KDM2A: variants seen among roughly 807,000 people sequenced by gnomAD.
KDM2A encodes the protein lysine demethylase 2A.
In KDM2A, 3 loss-of-function variants were observed where a neutral mutation model predicts 137.3. That is an observed-to-expected ratio of 0.02 (90% CI 0.01 to 0.06). KDM2A has a LOEUF of 0.06. Ranked by LOEUF, KDM2A falls within the 10% of genes least tolerant of loss-of-function variation. The pLI is 1.00. For synonymous variants in KDM2A, 512 were observed against 541.5 expected, an observed-to-expected ratio of 0.95 and a Z score of 0.76; for missense variants, 738 against 1,510.6, an observed-to-expected ratio of 0.49 and a Z score of 8.48.
At chr11:67,200,126 T>C (rs660960) in intron 5 of KDM2A, among the ~76,000 whole-genome samples, 1 of 151,738 alleles carries the variant, frequency 6.6e-6, no homozygotes, top group African/African-American at 2.4e-5. Flanking sequence ...GAAAAAAGGT[T>C]CCTTTCAAAA....
In KDM2A at chr11:67,257,936, CGT is replaced by C. The variant is rs1231071950; in HGVS notation, c.*2883_*2884del. 2 of 151,794 alleles carry C rather than the reference CGT, an allele frequency of 1.3e-5. No homozygotes were observed. The highest frequency in any genetic ancestry group is 2.9e-5 in the Non-Finnish European group (2 of 67,996). The allele number at this position is 151,794 out of a possible 1,614,324, so 9.4% of individuals were successfully genotyped here. On this transcript the variant is annotated 3_prime_UTR_variant, in exon 21 of 21. Transcript: ENST00000529006. ...GAGCAAGGACATCTTTCCTCTGACA[CGT>C]GGGAATGGGTGATATTTGTGTAATA... is the stretch of plus-strand genomic sequence containing the variant.
Position 67,216,283 on chromosome 11 carries a change from G to A in KDM2A, c.687+334G>A, listed in dbSNP as rs186133195. 2.6e-5 allele frequency among the ~76,000 whole-genome samples: 4 copies of A among 152,314 alleles called. No homozygotes were observed. In the East Asian group the frequency reaches 7.7e-4, roughly 29 times the overall value. ...TCTGTACTTGGAAGTATAATAAATA[G>A]TGGAAGGGAACACGAATTTTGGATA... On this transcript the variant is annotated intron_variant, in intron 8 of 20. Transcript: ENST00000529006.
chr11:67,158,742 C>T (rs2012454288), intron 2 of KDM2A, among the ~76,000 whole-genome samples: 1 of 152,142 alleles, frequency 6.6e-6, no homozygotes, highest in Non-Finnish European at 1.5e-5. Flanking sequence ...TTCTACCTTA[C>T]ATGCCCAAAG....
chr11:67,124,732 A>G (rs568773216), intron 2 of KDM2A, among the ~76,000 whole-genome samples: 1 of 149,296 alleles, frequency 6.7e-6, no homozygotes, highest in East Asian at 2.0e-4. Flanking sequence ...TTTAAGTTGT[A>G]AGGTGATTGG....
intron 12 of KDM2A, among the ~76,000 whole-genome samples, chr11:67,238,487 C>A (rs1329439992): frequency 1.3e-5 from 2 of 152,132 alleles, no homozygotes; most frequent in African/African-American, 2.4e-5. Context: ...TGCAGTGGGT[C>A]TTGAGTCTTA....
At position 67,181,803 on chromosome 11, in the gene KDM2A, C is replaced by T. The variant is rs146139491; in HGVS notation, c.261-43C>T. On this transcript the variant is annotated intron_variant, in intron 4 of 20. Coordinates refer to ENST00000529006, the MANE Select transcript of KDM2A (RefSeq NM_012308.3). Reference sequence around the variant, plus strand: ...GAAAAAAAACTCACATTTACTAGAGCAATTGTGTTTTCCATATATACTTAC... The same window carrying T: ...GAAAAAAAACTCACATTTACTAGAGTAATTGTGTTTTCCATATATACTTAC... The T allele has an allele frequency of 4.2e-3, 6,505 of 1,546,874 alleles. 22 individuals are homozygous for T. Among genetic ancestry groups the T allele is most frequent in the Non-Finnish European group, 4.5e-3 (4,986 of 1,119,096 alleles).
intron 2 of KDM2A, among the ~76,000 whole-genome samples, chr11:67,171,198 A>G (rs1856875384): frequency 6.6e-6 from 1 of 152,174 alleles, no homozygotes; most frequent in Non-Finnish European, 1.5e-5. Flanking sequence ...TTTGTGATAC[A>G]TAGAAGTTGA....
chr11:67,142,683 G>A (rs1856140026), intron 2 of KDM2A, among the ~76,000 whole-genome samples: 1 of 151,218 alleles, frequency 6.6e-6, no homozygotes, highest in Non-Finnish European at 1.5e-5. Flanking sequence ...CAGACTGGGG[G>A]ACAAGCGTGA....
At chr11:67,240,031 C>A (rs1295743170) in intron 12 of KDM2A, 3 of 1,302,580 alleles carry the variant, frequency 2.3e-6, no homozygotes, top group Non-Finnish European at 2.0e-6. Context: ...CTCGGCTCCC[C>A]CTCCTGCCAT....
At chr11:67,214,739 T>G (rs563536016) in intron 6 of KDM2A, among the ~76,000 whole-genome samples, 2 of 152,112 alleles carry the variant, frequency 1.3e-5, no homozygotes, top group Non-Finnish European at 2.9e-5. Flanking sequence ...TCCAAAGCTC[T>G]GGGATTGCAG....
At chr11:67,217,050 T>C (rs191287037) in intron 8 of KDM2A, among the ~76,000 whole-genome samples, 6 of 151,890 alleles carry the variant, frequency 4.0e-5, no homozygotes, top group African/African-American at 1.4e-4. Context: ...GAGAACATCT[T>C]GGCCAACATG....
At chr11:67,172,965 A>G (rs573622813) in intron 2 of KDM2A, among the ~76,000 whole-genome samples, 1 of 152,240 alleles carries the variant, frequency 6.6e-6, no homozygotes, top group South Asian at 2.1e-4. Context: ...GAATATTTAT[A>G]GACATAATGT....
Position 67,253,625 on chromosome 11 carries a change from C to T in KDM2A, c.3091+14C>T. The T allele has an allele frequency of 3.1e-6, 5 of 1,612,948 alleles. No homozygotes were observed. The highest frequency in any genetic ancestry group is 4.2e-6 in the Non-Finnish European group (5 of 1,179,164). On this transcript the variant is annotated intron_variant, in intron 19 of 20. Transcript: ENST00000529006. The stretch of plus-strand genomic sequence containing the variant: ...CTGATAAACCAGGTATGCTCTGGAC[C>T]TGACTTCTCTGTGCTTGTCTTGGGG...
intron 6 of KDM2A, among the ~76,000 whole-genome samples, chr11:67,209,464 G>T (rs1340895379): frequency 6.7e-6 from 1 of 149,718 alleles, no homozygotes; most frequent in Non-Finnish European, 1.5e-5. Context: ...TTATTTTTGA[G>T]ACAGGTTCTC....
chr11:67,231,437 A>G, intron 11 of KDM2A, 129 bp from the exon 12 acceptor site: 1 of 844,630 alleles, frequency 1.2e-6, no homozygotes, highest in South Asian at 1.9e-5. Context: ...GAATAAAGAT[A>G]GACCATTTTT....
In KDM2A at chr11:67,250,309, G is replaced by A. The variant is rs1403714917; in HGVS notation, c.2279G>A (p.Arg760Gln). ...SASRDERFKRRQLLRLQATER... is the reference protein window; with the variant it reads ...SASRDERFKRQQLLRLQATER... ...AGCCGCGATGAGCGCTTCAAACGGC[G>A]GCAGTTGCTGCGGCTGCAGGCCACA... Residue 760 changes from arginine (R) to glutamine (Q), a missense_variant, in exon 17 of 21, where the codon CGG (arginine) becomes CAG (glutamine). Coordinates refer to ENST00000529006, the MANE Select transcript of KDM2A (RefSeq NM_012308.3). This position sits in a 1 kb window ranked among gnomAD's most constrained non-coding sequence, Gnocchi z 7.1. The A allele has an allele frequency of 4.3e-6, 7 of 1,613,942 alleles. No individual in the cohort carries two copies. Among genetic ancestry groups the A allele is most frequent in the Non-Finnish European group, 5.9e-6 (7 of 1,179,896 alleles).
At chr11:67,152,444 A>G (rs1856414346) in intron 2 of KDM2A, among the ~76,000 whole-genome samples, 1 of 150,994 alleles carries the variant, frequency 6.6e-6, no homozygotes, top group African/African-American at 2.4e-5. Context: ...ATCTCTACAA[A>G]AAATAAAATA....
intron 2 of KDM2A, among the ~76,000 whole-genome samples, chr11:67,157,093 C>G (rs1410411072): frequency 6.6e-6 from 1 of 152,004 alleles, no homozygotes; most frequent in Non-Finnish European, 1.5e-5. Context: ...AAGGGCCGAT[C>G]ACGAGGTCAG....
At chr11:67,253,416 CAG>C in intron 18 of KDM2A, 35 bp from the exon 19 acceptor site, 1 of 1,583,636 alleles carries the variant, frequency 6.3e-7, no homozygotes, top group East Asian at 2.2e-5. Flanking sequence ...TGCTGGGAAA[CAG>C]TGTATTATTA....
Sources: allele counts gnomAD v4.1 joint callset (sites outside exome capture counted in the v4.1 genomes callset), GRCh38; gene constraint gnomAD v4.1.1; non-coding constraint Gnocchi (gnomAD v3.1); transcripts MANE v1.5; gene names NCBI Gene and HGNC (gene_info 2026-07-23, HGNC 2026-07-21).